Variants in IQCH observed in about 807,000 individuals in gnomAD.
IQCH encodes the protein IQ domain-containing protein H.
In IQCH, 98 loss-of-function variants were observed where a neutral mutation model predicts 117.0. The ratio of observed to expected loss-of-function variants is 0.84; its 90% CI spans 0.71 to 0.99. The LOEUF is 0.99. Among genes scored for constraint, IQCH ranks in the 50% least tolerant of loss-of-function variants. The probability of loss-of-function intolerance (pLI) is 0.00; values close to 1 mark genes in which losing one functional copy is unlikely to be tolerated. For missense variants in IQCH, 1,102 were observed against 1,243.8 expected, an observed-to-expected ratio of 0.89 and a Z score of 1.72; for synonymous variants, 412 against 448.2, an observed-to-expected ratio of 0.92 and a Z score of 1.02.
At position 67,494,172 on chromosome 15, in the gene IQCH, C is replaced by T; in HGVS notation, c.2862-86C>T. On this transcript the variant is annotated intron_variant, in intron 19 of 20. Coordinates refer to ENST00000335894, the MANE Select transcript of IQCH (RefSeq NM_001031715.3). The surrounding 1 kb of genome is among the most constrained non-coding windows in gnomAD (Gnocchi z 5.5). ...GAAAATACTCATTAAATTCCATCACCAGACAGGCACAAATGAGAGGGCGAT... is the reference window on the plus strand; with the variant it reads ...GAAAATACTCATTAAATTCCATCACTAGACAGGCACAAATGAGAGGGCGAT... The T allele has an allele frequency of 1.2e-6, 1 of 866,370 alleles. No homozygotes were observed. The highest frequency in any genetic ancestry group is 1.7e-6 in the Non-Finnish European group (1 of 584,174). 53.7% of individuals were successfully genotyped at this position (866,370 alleles called of 1,614,324 possible).
At chr15:67,255,660 T>A (rs1269789958) in intron 1 of IQCH, among the ~76,000 whole-genome samples, 1 of 152,250 alleles carries the variant, frequency 6.6e-6, no homozygotes, top group Non-Finnish European at 1.5e-5. Context: ...TAGCTGCATT[T>A]GACTAAGTCT....
At chr15:67,280,636 C>T (rs1420660679) in intron 4 of IQCH, among the ~76,000 whole-genome samples, 2 of 152,046 alleles carry the variant, frequency 1.3e-5, no homozygotes, top group African/African-American at 4.8e-5. Flanking sequence ...AAAAACCTCA[C>T]CTGCTAATAC....
chr15:67,355,619 CACAAAAGCAT>C (rs915089332), intron 6 of IQCH, among the ~76,000 whole-genome samples: 17 of 152,066 alleles, frequency 1.1e-4, no homozygotes, highest in Admixed American at 9.2e-4. Flanking sequence ...TAATAACTAC[CACAAAAGCAT>C]ACAAGTTTGT....
At chr15:67,398,866 G>C (rs963011376) in intron 13 of IQCH, among the ~76,000 whole-genome samples, 1 of 152,118 alleles carries the variant, frequency 6.6e-6, no homozygotes, top group African/African-American at 2.4e-5. Context: ...GTGTTATTTT[G>C]TTGCTTTCTG....
intron 4 of IQCH, among the ~76,000 whole-genome samples, chr15:67,335,888 C>T (rs1968871445): frequency 6.6e-6 from 1 of 152,168 alleles, no homozygotes; most frequent in Admixed American, 6.5e-5. Context: ...GGCCCTAACC[C>T]TTTGTCCAGA....
At position 67,433,601 on chromosome 15, in the gene IQCH, A is replaced by G. The variant is rs139614245; in HGVS notation, c.2505+12024A>G. Among the ~76,000 whole-genome samples the G allele has an allele frequency of 5.3e-5, 8 of 152,248 alleles. No homozygotes were observed. The highest frequency in any genetic ancestry group is 1.9e-4 in the East Asian group (1 of 5,190). Reference sequence around the variant, plus strand: ...TCATGGAGCTCTTTGCTTCCTTTCAAATGAAACCAAGACACCTCTCTGCAC... The same window carrying G: ...TCATGGAGCTCTTTGCTTCCTTTCAGATGAAACCAAGACACCTCTCTGCAC... On this transcript the variant is annotated intron_variant, in intron 16 of 20. Coordinates refer to ENST00000335894, the MANE Select transcript of IQCH (RefSeq NM_001031715.3). The surrounding 1 kb of genome is among the most constrained non-coding windows in gnomAD (Gnocchi z 5.4).
chr15:67,285,991 A>C (rs1261730728), intron 4 of IQCH, among the ~76,000 whole-genome samples: 1 of 152,150 alleles, frequency 6.6e-6, no homozygotes, highest in African/African-American at 2.4e-5. Flanking sequence ...TGGTACTTTG[A>C]TAGGGATTGC....
intron 10 of IQCH, among the ~76,000 whole-genome samples, chr15:67,378,199 C>T (rs980681585): frequency 4.6e-5 from 7 of 152,006 alleles, no homozygotes; most frequent in South Asian, 2.1e-4. Context: ...CAGCCAACGG[C>T]GTTAGATCTG....
At chr15:67,355,653 G>A (rs1360953957) in intron 6 of IQCH, among the ~76,000 whole-genome samples, 1 of 152,074 alleles carries the variant, frequency 6.6e-6, no homozygotes, top group Non-Finnish European at 1.5e-5. Flanking sequence ...GAAAGACAAG[G>A]ATTTTTTCCT....
Position 67,447,089 on chromosome 15 carries a change from C to T in IQCH, c.2506-18038C>T, listed in dbSNP as rs1032546594. On this transcript the variant is annotated intron_variant, in intron 16 of 20. Transcript: ENST00000335894. The surrounding 1 kb of genome is among the most constrained non-coding windows in gnomAD (Gnocchi z 5.3). Reference sequence around the variant, plus strand: ...AGGCAAACCTGGATCTTTGTCCTCGCCCTGCCGCTGAGCTGTGGAACTTGG... The same window carrying T: ...AGGCAAACCTGGATCTTTGTCCTCGTCCTGCCGCTGAGCTGTGGAACTTGG... Among the ~76,000 whole-genome samples the T allele has an allele frequency of 6.6e-6, 1 of 152,196 alleles. No individual in the cohort carries two copies. The highest frequency in any genetic ancestry group is 2.4e-5 in the African/African-American group (1 of 41,440).
At position 67,388,188 on chromosome 15, in the gene IQCH, AC is replaced by A. The variant is rs1971168013; in HGVS notation, c.1457-642del. 6.6e-6 allele frequency among the ~76,000 whole-genome samples: 1 copy of A among 152,182 alleles called. No individual in the cohort carries two copies. The highest frequency in any genetic ancestry group is 2.1e-4 in the South Asian group (1 of 4,830). On this transcript the variant is annotated intron_variant, in intron 11 of 20. Coordinates refer to ENST00000335894, the MANE Select transcript of IQCH (RefSeq NM_001031715.3). The surrounding 1 kb of genome is among the most constrained non-coding windows in gnomAD (Gnocchi z 5.5). ...TTTAATTAGGGTTTCTTGCTATGTT[AC>A]ATGTAAGAAGCACATCTTAAGAAGG...
At position 67,388,880 on chromosome 15, in the gene IQCH, G is replaced by A; in HGVS notation, c.1506G>A (p.Glu502=). Residue 502 remains glutamate (E), a synonymous_variant, in exon 12 of 21, where the codon GAG becomes GAA. Transcript: ENST00000335894. This position sits in a 1 kb window ranked among gnomAD's most constrained non-coding sequence, Gnocchi z 5.5. ...TCTGCTCCCATCATATGAATGACGA[G>A]TTAGTGCTGTATTACAAAAAAATCC... ...IYICSHHMND[E]LVLYYKKILS... is the part of the protein sequence containing the mutation. The A allele has an allele frequency of 6.2e-7, 1 of 1,613,880 alleles. No individual in the cohort carries two copies. Among genetic ancestry groups the A allele is most frequent in the Non-Finnish European group, 8.5e-7 (1 of 1,179,846 alleles).
In IQCH at chr15:67,385,802, G is replaced by A. The variant is rs188871921; in HGVS notation, c.1456+783G>A. Among the ~76,000 whole-genome samples, 3 of 152,164 alleles carry A rather than the reference G, an allele frequency of 2.0e-5. No homozygotes were observed. The highest frequency in any genetic ancestry group is 2.0e-4 in the Admixed American group (3 of 15,264). On this transcript the variant is annotated intron_variant, in intron 11 of 20. Coordinates refer to ENST00000335894, the MANE Select transcript of IQCH (RefSeq NM_001031715.3). This position sits in a 1 kb window ranked among gnomAD's most constrained non-coding sequence, Gnocchi z 4.6. The stretch of plus-strand genomic sequence containing the variant: ...TTACACAAAAATTAGATTTGTATTA[G>A]TTACCAAATAAGAACTTCTTTGCTT...
chr15:67,398,601 C>T (rs1971541813), intron 13 of IQCH, among the ~76,000 whole-genome samples: 1 of 152,002 alleles, frequency 6.6e-6, no homozygotes, highest in Non-Finnish European at 1.5e-5. Context: ...GTATAGTATC[C>T]CCAGGAAGAT....
Position 67,490,861 on chromosome 15 carries a change from C to G in IQCH, c.2861+797C>G, listed in dbSNP as rs991133505. Among the ~76,000 whole-genome samples the G allele has an allele frequency of 3.3e-5, 5 of 152,216 alleles. No individual in the cohort carries two copies. Among genetic ancestry groups the G allele is most frequent in the Admixed American group, 2.6e-4 (4 of 15,286 alleles). ...GCTGCTGGCAACACTCGGAGGCTTC[C>G]GCACTTCTCCCAGATTTCCCTCTGG... On this transcript the variant is annotated intron_variant, in intron 19 of 20. Transcript: ENST00000335894. The surrounding 1 kb of genome is among the most constrained non-coding windows in gnomAD (Gnocchi z 4.9).
At chr15:67,294,657 C>CA (rs1350385111) in intron 4 of IQCH, among the ~76,000 whole-genome samples, 1 of 152,182 alleles carries the variant, frequency 6.6e-6, no homozygotes, top group Non-Finnish European at 1.5e-5. Context: ...CAAAAGGCAA[C>CA]ACCCTGATGA....
chr15:67,422,521 T>A lies in IQCH; in HGVS notation c.2505+944T>A, dbSNP rs2081775947. 6.6e-6 allele frequency among the ~76,000 whole-genome samples: 1 copy of A among 152,166 alleles called. No homozygotes were observed. Among genetic ancestry groups the A allele is most frequent in the Non-Finnish European group, 1.5e-5 (1 of 68,024 alleles). On this transcript the variant is annotated intron_variant, in intron 16 of 20. Coordinates refer to ENST00000335894, the MANE Select transcript of IQCH (RefSeq NM_001031715.3). The surrounding 1 kb of genome is among the most constrained non-coding windows in gnomAD (Gnocchi z 4.7). ...CCTAGAGGCCAGGAGGAAGCTACTG[T>A]CTCATACCTGGGGTTTTAATTCCCT...
In IQCH at chr15:67,476,234, C is replaced by G. The variant is rs375663731; in HGVS notation, c.2799+416C>G. Among the ~76,000 whole-genome samples, 1 of 152,226 alleles carries G rather than the reference C, an allele frequency of 6.6e-6. No homozygotes were observed. The stretch of plus-strand genomic sequence containing the variant: ...AGCTAAATGGCTTGAGCCACAGAAG[C>G]GTATTTTCTCACTGTCTGGCAGCTG... On this transcript the variant is annotated intron_variant, in intron 18 of 20. Transcript: ENST00000335894. This position sits in a 1 kb window ranked among gnomAD's most constrained non-coding sequence, Gnocchi z 4.1.
intron 18 of IQCH, among the ~76,000 whole-genome samples, chr15:67,484,854 A>G (rs984108578): frequency 2.0e-5 from 3 of 152,140 alleles, no homozygotes; most frequent in Non-Finnish European, 4.4e-5. Flanking sequence ...GAAGGAAGAT[A>G]TTATCTAGAG....
Sources: allele counts gnomAD v4.1 joint callset (sites outside exome capture counted in the v4.1 genomes callset), GRCh38; gene constraint gnomAD v4.1.1; non-coding constraint Gnocchi (gnomAD v3.1); transcripts MANE v1.5; gene names NCBI Gene and HGNC (gene_info 2026-07-23, HGNC 2026-07-21).